AKAP9: variants seen among roughly 807,000 people sequenced by gnomAD.
AKAP9 encodes A-kinase anchor protein 9.
Under a neutral mutation model 488.5 loss-of-function variants are expected in AKAP9, and 311 were observed. The ratio of observed to expected loss-of-function variants is 0.64; its 90% CI spans 0.58 to 0.70. AKAP9 has a LOEUF of 0.70. Ranked by LOEUF, AKAP9 falls within the 30% of genes least tolerant of loss-of-function variation. AKAP9 has a pLI of 0.00. For synonymous variants in AKAP9, 1,462 were observed against 1,483.5 expected (o/e 0.99, Z 0.33); for missense variants, 4,215 against 4,374.5 (o/e 0.96, Z 1.03).
At chr7:91,953,217 G>A (rs1584548504) in intron 1 of AKAP9, among the ~76,000 whole-genome samples, 1 of 152,228 alleles carries the variant, frequency 6.6e-6, no homozygotes, top group East Asian at 1.9e-4. Context: ...AAAGGATAGT[G>A]AGCATGGAGA....
rs760698038 is a variant in AKAP9 at position 92,062,229 on chromosome 7, T to C, written c.5765-45T>C. ...TTATATTAAAACCTAGTGGTTGAAT[T>C]TGAAATGAATAATAGTTCTATTTTC... On this transcript the variant is annotated intron_variant, in intron 23 of 49. Coordinates refer to ENST00000356239, the MANE Select transcript of AKAP9 (RefSeq NM_005751.5). 1.2e-4 allele frequency: 188 copies of C among 1,535,830 alleles called. No homozygotes were observed. In the East Asian group the frequency reaches 3.9e-3, roughly 32 times the overall value.
At chr7:91,991,678 AG>A (rs995268960) in intron 3 of AKAP9, among the ~76,000 whole-genome samples, 40 of 151,802 alleles carry the variant, frequency 2.6e-4, no homozygotes, top group African/African-American at 9.7e-4. Context: ...TCACCGTGTT[AG>A]CCAGGATGGT....
chr7:92,093,311 T>C lies in AKAP9; in HGVS notation c.9573T>C (p.Ala3191=). The C allele has an allele frequency of 6.2e-7, 1 of 1,613,886 alleles. No homozygotes were observed. The highest frequency in any genetic ancestry group is 8.5e-7 in the Non-Finnish European group (1 of 1,179,948). ...ATAAACACCTAAAAGAATTGGAGGC[T>C]TTCAGGTGTGCCAGGCTTCCTTATT... The part of the protein sequence containing the change: ...AQHKHLKELE[A]FRLEVKDKTD... Residue 3191 remains alanine (A), a synonymous_variant, in exon 39 of 50, where the codon GCT becomes GCC. Coordinates refer to ENST00000356239, the MANE Select transcript of AKAP9 (RefSeq NM_005751.5).
chr7:92,081,802 A>T (rs1309955315), intron 31 of AKAP9, among the ~76,000 whole-genome samples: 1 of 152,162 alleles, frequency 6.6e-6, no homozygotes, highest in Non-Finnish European at 1.5e-5. Context: ...TTATAAATTT[A>T]TAACTTTGAG....
chr7:91,964,188 A>G (rs1455454842), intron 1 of AKAP9, among the ~76,000 whole-genome samples: 1 of 152,220 alleles, frequency 6.6e-6, no homozygotes, highest in African/African-American at 2.4e-5. Context: ...CTCTATGCCT[A>G]CAAGTACAAT....
In AKAP9 at chr7:91,979,201, C is replaced by CT. The variant is rs370277750; in HGVS notation, c.307-1087dup. 3.4e-3 allele frequency among the ~76,000 whole-genome samples: 511 copies of CT among 152,128 alleles called. 1 individual carries two copies. The highest frequency in any genetic ancestry group is 0.011 in the African/African-American group (471 of 41,518). On this transcript the variant is annotated intron_variant, in intron 2 of 49. Coordinates refer to ENST00000356239, the MANE Select transcript of AKAP9 (RefSeq NM_005751.5). Reference sequence around the variant, plus strand: ...GCTGCTGATACAGACATACCGGAGACTAGGTCATTTATAAAGAAAAAGAGG... The same window carrying CT: ...GCTGCTGATACAGACATACCGGAGACTTAGGTCATTTATAAAGAAAAAGAGG...
chr7:91,969,806 C>T (rs770574529), intron 1 of AKAP9, among the ~76,000 whole-genome samples: 10 of 152,062 alleles, frequency 6.6e-5, no homozygotes, highest in South Asian at 2.1e-4. Context: ...TCTTAATAGG[C>T]GAAGTGGGTT....
At chr7:92,084,503 A>C (rs1814154938) in intron 33 of AKAP9, 137 bp from the exon 34 acceptor site, 1 of 636,446 alleles carries the variant, frequency 1.6e-6, no homozygotes, top group Admixed American at 3.0e-5. Flanking sequence ...AAAAAAAAAA[A>C]CCATGAATAA....
intron 1 of AKAP9, among the ~76,000 whole-genome samples, chr7:91,954,982 A>G (rs1301116768): frequency 6.6e-6 from 1 of 152,236 alleles, no homozygotes; most frequent in Non-Finnish European, 1.5e-5. Flanking sequence ...TTGATTATAT[A>G]AACTGTACTT....
intron 7 of AKAP9, among the ~76,000 whole-genome samples, chr7:91,999,414 CAG>C (rs1412843634): frequency 6.6e-6 from 1 of 152,052 alleles, no homozygotes; most frequent in East Asian, 1.9e-4. Flanking sequence ...TTAGTAGAGA[CAG>C]GGTTTCACCA....
intron 26 of AKAP9, 135 bp downstream of exon 26, chr7:92,066,681 C>A: frequency 1.7e-6 from 2 of 1,144,956 alleles, no homozygotes; most frequent in Non-Finnish European, 2.5e-6. Context: ...CTTAATATTA[C>A]TTAAGCATGA....
chr7:92,077,752 A>G lies in AKAP9; in HGVS notation c.6822A>G (p.Gln2274=). The G allele has an allele frequency of 6.2e-7, 1 of 1,613,952 alleles. No individual in the cohort carries two copies. Among genetic ancestry groups the G allele is most frequent in the Non-Finnish European group, 8.5e-7 (1 of 1,179,914 alleles). ...AGGAATCTGATGCCATGTCTACTCA[A>G]GACCAACATGTGCTATTTGGGAAAT... ...AIKESDAMST[Q]DQHVLFGKFA... The change falls in exon 30 of 50, where the codon CAA becomes CAG. Residue 2274 remains glutamine (Q), a synonymous_variant. Coordinates refer to ENST00000356239, the MANE Select transcript of AKAP9 (RefSeq NM_005751.5).
chr7:92,080,020 A>G lies in AKAP9; in HGVS notation c.7887A>G (p.Val2629=). 6.4e-7 allele frequency: 1 copy of G among 1,562,870 alleles called. No individual in the cohort carries two copies. ...HTSLILEKEQ[V]EIAEKNVLEK... ...GTTTGATTTTAGAAAAAGAACAAGT[A>G]GAAATTGCAGAAAAAAATGTTTTAG... Residue 2629 remains valine (V), a synonymous_variant, in exon 31 of 50, where the codon GTA becomes GTG. Transcript: ENST00000356239.
chr7:91,985,685 T>C (rs1796982006), intron 3 of AKAP9, among the ~76,000 whole-genome samples: 2 of 152,132 alleles, frequency 1.3e-5, no homozygotes, highest in South Asian at 4.1e-4. Context: ...TCTCACTCTT[T>C]CGCCCAGGCT....
At chr7:92,061,819 A>G (rs1046531703) in intron 23 of AKAP9, among the ~76,000 whole-genome samples, 1 of 151,772 alleles carries the variant, frequency 6.6e-6, no homozygotes. Flanking sequence ...CAGGCTTTGA[A>G]TCTCTAAAGC....
Position 92,083,380 on chromosome 7 carries a change from A to G in AKAP9, c.8371A>G (p.Ser2791Gly). 6.2e-7 allele frequency: 1 copy of G among 1,614,078 alleles called. No individual in the cohort carries two copies. Among genetic ancestry groups the G allele is most frequent in the Non-Finnish European group, 8.5e-7 (1 of 1,180,002 alleles). Residue 2791 changes from serine to glycine, a missense_variant, in exon 33 of 50, where the codon AGC (serine) becomes GGC (glycine). Ser to Gly is a moderately conservative substitution (Grantham distance 56). Around this residue, in one of 5 missense-constraint regions of AKAP9, gnomAD observed 1,476 missense variants for 1,477.4 expected, o/e 1.00. Coordinates refer to ENST00000356239, the MANE Select transcript of AKAP9 (RefSeq NM_005751.5). ...AGATGGGACTCTGAAGATCAGTAGC[A>G]GCAATCAGACTCCACAAATTCTTGT... is the stretch of plus-strand genomic sequence containing the variant. The part of the protein sequence containing the change: ...QTDGTLKISS[S>G]NQTPQILVKN...
At position 92,038,711 on chromosome 7, in the gene AKAP9, G is replaced by C. The variant is rs557980103; in HGVS notation, c.4631G>C (p.Cys1544Ser). 12 of 1,607,404 alleles carry C rather than the reference G, an allele frequency of 7.5e-6. No homozygotes were observed. The East Asian group carries it at 2.5e-4, about 33-fold the overall frequency. ...DPHDIPESKD[C>S]VLTISEEMFS... The stretch of plus-strand genomic sequence containing the variant: ...CATGATATACCAGAATCAAAGGACT[G>C]TGTGCTGACTATTTCAGAAGAAATG... Residue 1544 changes from cysteine to serine, a missense_variant, in exon 17 of 50, where the codon TGT (cysteine) becomes TCT (serine). By Grantham distance (112) the Cys-to-Ser change is moderately radical. Transcript: ENST00000356239.
chr7:92,028,511 G>A (rs1803695412), intron 14 of AKAP9, among the ~76,000 whole-genome samples: 1 of 152,078 alleles, frequency 6.6e-6, no homozygotes, highest in African/African-American at 2.4e-5. Context: ...AAGCAGGAAA[G>A]GGCAGAGAAG....
intron 16 of AKAP9, among the ~76,000 whole-genome samples, chr7:92,032,225 A>C (rs996198468): frequency 2.5e-4 from 38 of 152,146 alleles, no homozygotes; most frequent in African/African-American, 8.4e-4. Context: ...GGCCGGGTGC[A>C]GTGGCTCACG....
Sources: allele counts gnomAD v4.1 joint callset (sites outside exome capture counted in the v4.1 genomes callset), GRCh38; gene constraint gnomAD v4.1.1; regional missense constraint gnomAD v4.1.1; transcripts MANE v1.5; gene names NCBI Gene and HGNC (gene_info 2026-07-23, HGNC 2026-07-21).